The following STRIP2 variants were observed in gnomAD, a reference collection of about 807,000 sequenced individuals.
STRIP2 encodes the protein striatin-interacting protein 2.
In STRIP2, 84 loss-of-function variants were observed where a neutral mutation model predicts 107.1. The ratio of observed to expected loss-of-function variants is 0.78; its 90% confidence interval spans 0.66 to 0.94. The LOEUF (loss-of-function observed/expected upper bound fraction) is 0.94. Ranked by LOEUF, STRIP2 falls within the 40% of genes least tolerant of loss-of-function variation. The pLI is 0.00. For synonymous variants in STRIP2, 394 were observed against 400.4 expected, an observed-to-expected ratio of 0.98 and a Z score of 0.19; for missense variants, 888 against 1,034.2, an observed-to-expected ratio of 0.86 and a Z score of 1.94.
Position 129,464,620 on chromosome 7 carries a change from T to C in STRIP2, c.1658T>C (p.Val553Ala). 6.2e-7 allele frequency: 1 copy of C among 1,614,096 alleles called. No individual in the cohort carries two copies. The highest frequency in any genetic ancestry group is 1.3e-5 in the African/African-American group (1 of 75,002). The part of the protein sequence containing the change: ...DVLPEEMPIT[V>A]LQSMKLGIDV... ...TTCTCTCCCCATTGTAGCATCACTGTTCTCCAGAGCATGAAGCTGGGCATC... is the reference window on the plus strand; with the variant it reads ...TTCTCTCCCCATTGTAGCATCACTGCTCTCCAGAGCATGAAGCTGGGCATC... Residue 553 changes from valine to alanine, a missense_variant, in exon 16 of 21, where the codon GTT becomes GCT. Val to Ala is a moderately conservative substitution (Grantham distance 64). Coordinates refer to ENST00000249344, the MANE Select transcript of STRIP2 (RefSeq NM_020704.3).
chr7:129,458,225 C>A lies in STRIP2; in HGVS notation c.1049C>A (p.Thr350Asn). Reference sequence around the variant, plus strand: ...TTCTTTCCCCTCCAGCAACTCCTCACTAAGCAGGACAGCCTGGACATCTAC... The same window carrying A: ...TTCTTTCCCCTCCAGCAACTCCTCAATAAGCAGGACAGCCTGGACATCTAC... ...GRRGSRRQLLTKQDSLDIYNE... is the reference protein window; with the variant it reads ...GRRGSRRQLLNKQDSLDIYNE... Residue 350 changes from threonine to asparagine, a missense_variant, in exon 10 of 21, where the codon ACT (threonine) becomes AAT (asparagine). Thr to Asn is a moderately conservative substitution (Grantham distance 65). Transcript: ENST00000249344. The surrounding 1 kb of genome is among the most constrained non-coding windows in gnomAD (Gnocchi z 4.6). 3 of 1,614,070 alleles carry A rather than the reference C, an allele frequency of 1.9e-6. No homozygotes were observed. The highest frequency in any genetic ancestry group is 2.5e-6 in the Non-Finnish European group (3 of 1,179,954).
At chr7:129,480,334 T>C (rs1799085221) in intron 18 of STRIP2, among the ~76,000 whole-genome samples, 1 of 152,086 alleles carries the variant, frequency 6.6e-6, no homozygotes, top group Non-Finnish European at 1.5e-5. Flanking sequence ...AGGGTGAAGG[T>C]TGATAAGATA....
In STRIP2 at chr7:129,434,610, C is replaced by A. The variant is rs1187427557; in HGVS notation, c.129+9C>A. 6.8e-7 allele frequency: 1 copy of A among 1,478,498 alleles called. No homozygotes were observed. The highest frequency in any genetic ancestry group is 2.2e-5 in the Admixed American group (1 of 45,138). 91.6% of individuals were successfully genotyped at this position (1,478,498 alleles called of 1,614,324 possible). On this transcript the variant is annotated intron_variant, in intron 1 of 20. Transcript: ENST00000249344. ...AGCGGCGGGAGTCAGAGGTGAGGAGCCCGGAAAGCTTCGGCTGGGGCCCGG... is the reference window on the plus strand; with the variant it reads ...AGCGGCGGGAGTCAGAGGTGAGGAGACCGGAAAGCTTCGGCTGGGGCCCGG...
intron 13 of STRIP2, among the ~76,000 whole-genome samples, chr7:129,462,120 G>A (rs183621793): frequency 1.1e-4 from 17 of 152,330 alleles, no homozygotes; most frequent in Non-Finnish European, 2.2e-4. Context: ...GGGATGGTGG[G>A]CAAAGGAGTT....
At position 129,483,208 on chromosome 7, in the gene STRIP2, G is replaced by A; in HGVS notation, c.2254+162G>A. On this transcript the variant is annotated intron_variant, in intron 20 of 20. Coordinates refer to ENST00000249344, the MANE Select transcript of STRIP2 (RefSeq NM_020704.3). This position sits in a 1 kb window ranked among gnomAD's most constrained non-coding sequence, Gnocchi z 5.1. The stretch of plus-strand genomic sequence containing the variant: ...CTGATACACCAAACTTTAAGGTTAT[G>A]CCTCAAATTCTAGTATGTACCCTTG... 7.0e-7 allele frequency: 1 copy of A among 1,426,296 alleles called. No homozygotes were observed. Among genetic ancestry groups the A allele is most frequent in the Non-Finnish European group, 9.2e-7 (1 of 1,092,122 alleles). The allele number at this position is 1,426,296 out of a possible 1,614,324, so 88.4% of individuals were successfully genotyped here. A position where few individuals can be genotyped will look rare whatever the true frequency, so the allele number is the denominator to read the frequency against.
At chr7:129,445,510 G>A (rs1798011442) in intron 3 of STRIP2, among the ~76,000 whole-genome samples, 1 of 151,530 alleles carries the variant, frequency 6.6e-6, no homozygotes, top group African/African-American at 2.4e-5. Context: ...GTGATGGTGA[G>A]TGGTGCCACT....
At chr7:129,441,600 CTG>C (rs1482563453) in intron 2 of STRIP2, among the ~76,000 whole-genome samples, 1 of 152,084 alleles carries the variant, frequency 6.6e-6, no homozygotes, top group African/African-American at 2.4e-5. Context: ...GAGTCTGGCT[CTG>C]TTGCTTACGC....
rs1798610557 is a variant in STRIP2, at chr7:129,464,069, C to T, written c.1577C>T (p.Ala526Val). The T allele has an allele frequency of 6.2e-7, 1 of 1,613,466 alleles. No homozygotes were observed. Among genetic ancestry groups the T allele is most frequent in the Non-Finnish European group, 8.5e-7 (1 of 1,179,968 alleles). Residue 526 changes from alanine (A) to valine (V), a missense_variant, in exon 15 of 21, where the codon GCT becomes GTT. Physicochemically the swap from Ala to Val is moderately conservative, Grantham distance 64 (BLOSUM62 0). Coordinates refer to ENST00000249344, the MANE Select transcript of STRIP2 (RefSeq NM_020704.3). ...YMIALLKILLAAAPTSKAKTD... is the reference protein window; with the variant it reads ...YMIALLKILLVAAPTSKAKTD... ...ATCGCTCTGCTTAAGATTCTGCTGGCTGCAGCTCCCACCTCTAAGGCTAAG... is the reference window on the plus strand; with the variant it reads ...ATCGCTCTGCTTAAGATTCTGCTGGTTGCAGCTCCCACCTCTAAGGCTAAG...
chr7:129,485,502 C>T, intron 20 of STRIP2, 77 bp from the exon 21 acceptor site: 4 of 1,518,726 alleles, frequency 2.6e-6, no homozygotes, highest in Non-Finnish European at 2.7e-6. Flanking sequence ...TTTTTGGAAT[C>T]CCATAGACCA....
Position 129,451,613 on chromosome 7 carries a change from T to C in STRIP2, c.275T>C (p.Val92Ala), listed in dbSNP as rs570968068. The C allele has an allele frequency of 2.4e-4, 383 of 1,614,068 alleles. 5 individuals carry two copies. The South Asian group carries it at 4.0e-3, about 17-fold the overall frequency. ...GATGTATATGGCCTTTTATTCCCAG[T>C]GCAGGGCAAGGAATGGCTGGAGTTG... is the stretch of plus-strand genomic sequence containing the variant. ...RCFEEDFKTQ[V>A]QGKEWLELEE... The change falls in exon 4 of 21, where the codon GTG becomes GCG. Residue 92 changes from valine to alanine, a missense_variant and splice_region_variant. Transcript: ENST00000249344.
At chr7:129,435,734 TGTAATTA>T (rs1327408779) in intron 1 of STRIP2, among the ~76,000 whole-genome samples, 2 of 152,196 alleles carry the variant, frequency 1.3e-5, no homozygotes, top group African/African-American at 4.8e-5. Flanking sequence ...GCACAATGCA[TGTAATTA>T]GTCAGTACAT....
chr7:129,436,812 C>T (rs916349286), intron 1 of STRIP2, among the ~76,000 whole-genome samples: 9 of 152,176 alleles, frequency 5.9e-5, no homozygotes, highest in South Asian at 2.1e-4. Flanking sequence ...TTTATGGAAG[C>T]ACTGTTGACC....
chr7:129,467,089 T>C (rs1433942332), intron 16 of STRIP2, among the ~76,000 whole-genome samples: 1 of 152,226 alleles, frequency 6.6e-6, no homozygotes, highest in East Asian at 1.9e-4. Flanking sequence ...AGCAATTCTT[T>C]CTATGTATTG....
At chr7:129,470,999 C>A (rs145033762) in intron 18 of STRIP2, among the ~76,000 whole-genome samples, 3,198 of 152,242 alleles carry the variant, frequency 0.021, 115 homozygotes, top group African/African-American at 0.071. Context: ...CGAAATTGAG[C>A]GTGAATATCT....
In STRIP2 at chr7:129,454,223, A is replaced by G. The variant is rs762162215; in HGVS notation, c.599+13A>G. On this transcript the variant is annotated intron_variant, in intron 6 of 20. Transcript: ENST00000249344. The stretch of plus-strand genomic sequence containing the variant: ...GCACAGAGCTCAGGTGAGTGGGGCT[A>G]ACTATGGGCTTGGAACAGGGCAGAT... 6.2e-7 allele frequency: 1 copy of G among 1,613,826 alleles called. No individual in the cohort carries two copies. Among genetic ancestry groups the G allele is most frequent in the East Asian group, 2.2e-5 (1 of 44,878 alleles).
intron 9 of STRIP2, among the ~76,000 whole-genome samples, chr7:129,457,264 A>G (rs377662953): frequency 9.2e-5 from 14 of 152,222 alleles, no homozygotes; most frequent in African/African-American, 3.1e-4. Flanking sequence ...ACCTAGGCAT[A>G]TAGCCTATTG....
chr7:129,450,305 C>T (rs551542774), intron 3 of STRIP2, among the ~76,000 whole-genome samples: 1 of 152,172 alleles, frequency 6.6e-6, no homozygotes, highest in Non-Finnish European at 1.5e-5. Flanking sequence ...TTCACACCCT[C>T]CATAACCATG....
Position 129,464,038 on chromosome 7 carries a change from T to C in STRIP2, c.1552-6T>C. On this transcript the variant is annotated splice_region_variant and splice_polypyrimidine_tract_variant and intron_variant, in intron 14 of 20. Coordinates refer to ENST00000249344, the MANE Select transcript of STRIP2 (RefSeq NM_020704.3). ...GTGGTAAATTTCTTTATTTTCTACT[T>C]CTCAGATCGCTCTGCTTAAGATTCT... is the stretch of plus-strand genomic sequence containing the variant. The C allele has an allele frequency of 6.2e-7, 1 of 1,612,414 alleles. No individual in the cohort carries two copies. The highest frequency in any genetic ancestry group is 8.5e-7 in the Non-Finnish European group (1 of 1,179,022).
chr7:129,467,535 C>T (rs1798699866), intron 17 of STRIP2, 85 bp downstream of exon 17: 8 of 914,530 alleles, frequency 8.7e-6, no homozygotes, highest in Middle Eastern at 2.1e-4. Flanking sequence ...TTCAGTTTTC[C>T]TGGTGTCCCT....
Sources: allele counts gnomAD v4.1 joint callset (sites outside exome capture counted in the v4.1 genomes callset), GRCh38; gene constraint gnomAD v4.1.1; non-coding constraint Gnocchi (gnomAD v3.1); transcripts MANE v1.5; gene names NCBI Gene and HGNC (gene_info 2026-07-23, HGNC 2026-07-21).